EPC1: variants seen among roughly 807,000 people sequenced by gnomAD.
EPC1 encodes enhancer of polycomb 1.
EPC1 carries 12 observed loss-of-function variants against 98.4 expected under a neutral mutation model. That is an observed-to-expected ratio of 0.12 (90% CI 0.08 to 0.20). The LOEUF is 0.20. Ranked by LOEUF, EPC1 falls within the 10% of genes least tolerant of loss-of-function variation. EPC1 has a pLI of 1.00. For missense variants in EPC1, 729 were observed against 990.5 expected (o/e 0.74, Z 3.54); for synonymous variants, 357 against 363.9 (o/e 0.98, Z 0.21).
chr10:32,374,284 C>G (rs796889262), intron 1 of EPC1: 1 of 151,960 alleles, frequency 6.6e-6, no homozygotes, highest in Non-Finnish European at 1.5e-5. Flanking sequence ...AATTTTATTT[C>G]CCTGCTTCAT....
exon 1 of EPC1, chr10:32,378,499 C>G: frequency 6.5e-7 from 1 of 1,546,154 alleles, no homozygotes. Context: ...ACCATTAGTG[C>G]AGGCAAAGAA....
At chr10:32,323,334 G>A (rs1837052653) in intron 1 of EPC1, among the ~76,000 whole-genome samples, 1 of 152,038 alleles carries the variant, frequency 6.6e-6, no homozygotes, top group Non-Finnish European at 1.5e-5. Context: ...AAGGGACTTT[G>A]ACAATCTCAA....
intron 1 of EPC1, among the ~76,000 whole-genome samples, chr10:32,311,715 T>C (rs1294164411): frequency 6.6e-6 from 1 of 152,208 alleles, no homozygotes; most frequent in East Asian, 1.9e-4. Flanking sequence ...TATACGTACA[T>C]ACCTATGATA....
intron 6 of EPC1, among the ~76,000 whole-genome samples, chr10:32,288,312 CTTTT>C (rs5784278): frequency 8.1e-6 from 1 of 124,102 alleles, no homozygotes; most frequent in Non-Finnish European, 1.6e-5. Flanking sequence ...TTACTTTTTT[CTTTT>C]TTTTTTTTTT....
chr10:32,372,913 A>G (rs993598008), intron 1 of EPC1, among the ~76,000 whole-genome samples: 5 of 152,206 alleles, frequency 3.3e-5, no homozygotes, highest in Non-Finnish European at 7.3e-5. Flanking sequence ...AATCCCAGCT[A>G]CTTGGGAGGC....
chr10:32,286,423 C>G (rs563442611), intron 9 of EPC1: 1 of 451,824 alleles, frequency 2.2e-6, no homozygotes, highest in African/African-American at 1.9e-5. Context: ...GTTGCCCTTT[C>G]TCACAATTCT....
intron 1 of EPC1, among the ~76,000 whole-genome samples, chr10:32,331,872 C>T (rs1229171989): frequency 1.3e-5 from 2 of 152,190 alleles, no homozygotes; most frequent in South Asian, 2.1e-4. Context: ...GAGGCCTTAA[C>T]ATTTTCTCTG....
intron 12 of EPC1, 50 bp downstream of exon 12, chr10:32,271,976 G>A (rs1835869134): frequency 6.3e-7 from 1 of 1,597,380 alleles, no homozygotes; most frequent in African/African-American, 1.4e-5. Flanking sequence ...TTATATTATA[G>A]ATATATGTTA....
At chr10:32,271,192 T>C (rs1471421770) in intron 13 of EPC1, among the ~76,000 whole-genome samples, 2 of 152,074 alleles carry the variant, frequency 1.3e-5, no homozygotes, top group African/African-American at 2.4e-5. Flanking sequence ...CCTTTCACCA[T>C]GTTGGATCGG....
intron 1 of EPC1, among the ~76,000 whole-genome samples, chr10:32,314,548 C>T (rs533500429): frequency 1.1e-4 from 16 of 152,318 alleles, no homozygotes; most frequent in African/African-American, 3.8e-4. Flanking sequence ...CCTTACCCAT[C>T]TCCCTCTCTT....
At chr10:32,306,030 TAG>T in intron 1 of EPC1, 99 bp from the exon 2 acceptor site, 2 of 1,035,524 alleles carry the variant, frequency 1.9e-6, no homozygotes, top group Non-Finnish European at 2.7e-6. Context: ...GTTTTTAAAA[TAG>T]AGAGATTCTA....
At chr10:32,371,452 C>T (rs1309149123) in intron 1 of EPC1, among the ~76,000 whole-genome samples, 2 of 152,022 alleles carry the variant, frequency 1.3e-5, no homozygotes, top group Non-Finnish European at 2.9e-5. Flanking sequence ...CACAGATGGA[C>T]CTTGATATTG....
chr10:32,363,350 G>A (rs2133106434), intron 1 of EPC1, among the ~76,000 whole-genome samples: 1 of 152,250 alleles, frequency 6.6e-6, no homozygotes, highest in East Asian at 1.9e-4. Context: ...CAAAGTACTG[G>A]GACCGCAAGC....
intron 2 of EPC1, among the ~76,000 whole-genome samples, chr10:32,294,264 C>G (rs1047139906): frequency 3.3e-5 from 5 of 152,140 alleles, no homozygotes; most frequent in African/African-American, 1.2e-4. Context: ...TTGAGAATCC[C>G]TCACCCAAAA....
At chr10:32,336,019 T>C (rs1837939883) in intron 1 of EPC1, among the ~76,000 whole-genome samples, 1 of 152,050 alleles carries the variant, frequency 6.6e-6, no homozygotes, top group African/African-American at 2.4e-5. Flanking sequence ...CTTTCCCTGC[T>C]TACCCAGCTT....
intron 13 of EPC1, among the ~76,000 whole-genome samples, chr10:32,270,314 C>G (rs1835776070): frequency 6.6e-6 from 1 of 152,192 alleles, no homozygotes. Context: ...TTATGCTTGT[C>G]TGCTAACTAA....
At chr10:32,378,170 A>G (rs1416763901) in intron 1 of EPC1, among the ~76,000 whole-genome samples, 1 of 152,234 alleles carries the variant, frequency 6.6e-6, no homozygotes, top group African/African-American at 2.4e-5. Flanking sequence ...CATAATTTTT[A>G]TAAAGAGGAT....
intron 1 of EPC1, among the ~76,000 whole-genome samples, chr10:32,323,940 A>G (rs1277108529): frequency 6.6e-6 from 1 of 151,998 alleles, no homozygotes; most frequent in African/African-American, 2.4e-5. Context: ...AGTTTATTTT[A>G]TTTTTATTTT....
upstream of EPC1, among the ~76,000 whole-genome samples, chr10:32,348,760 A>G (rs142005537): frequency 1.8e-4 from 27 of 152,280 alleles, no homozygotes; most frequent in East Asian, 4.8e-3. Flanking sequence ...GAGCTTACAC[A>G]GTGGGGAGAA....
Sources: gnomAD v4.1 joint callset for allele counts (sites outside exome capture counted in the v4.1 genomes callset) on GRCh38, gnomAD v4.1.1 for gene constraint, MANE v1.5 for transcripts, NCBI Gene and HGNC (gene_info 2026-07-23, HGNC 2026-07-21) for gene names.